Variants in NTNG1 observed in about 807,000 individuals in gnomAD.
NTNG1 encodes the protein netrin-G1.
NTNG1 carries 16 observed loss-of-function variants against 54.0 expected under a neutral mutation model. That is an observed-to-expected ratio of 0.30 (90% CI 0.20 to 0.45). NTNG1 has a LOEUF of 0.45. NTNG1 is among the 20% of genes least tolerant of loss of function. The probability of loss-of-function intolerance (pLI) is 1.00; values close to 1 mark genes in which losing one functional copy is unlikely to be tolerated. For synonymous variants in NTNG1, 255 were observed against 263.1 expected (o/e 0.97, Z 0.30); for missense variants, 530 against 678.7 (o/e 0.78, Z 2.43).
intron 3 of NTNG1, among the ~76,000 whole-genome samples, chr1:107,341,336 CTTAA>C (rs1021515210): frequency 2.0e-5 from 3 of 151,934 alleles, no homozygotes; most frequent in African/African-American, 4.8e-5. Flanking sequence ...ACTTATCTGT[CTTAA>C]TTGTTTCCTT....
At chr1:107,204,711 A>C (rs1189126718) in intron 2 of NTNG1, among the ~76,000 whole-genome samples, 1 of 152,168 alleles carries the variant, frequency 6.6e-6, no homozygotes, top group East Asian at 1.9e-4. Flanking sequence ...AAGCCATTAA[A>C]GTTTTAGGGT....
At chr1:107,298,102 C>T (rs1251941913) in intron 2 of NTNG1, among the ~76,000 whole-genome samples, 1 of 152,034 alleles carries the variant, frequency 6.6e-6, no homozygotes, top group African/African-American at 2.4e-5. Context: ...AAGATAAAAC[C>T]TATAGACTCA....
rs112441534 is a variant in NTNG1, at chr1:107,471,700, G to A, written c.1391-8911G>A. Reference sequence around the variant, plus strand: ...GAATACAAATATTTGAGAATTGCATGTTTTGACCCCATGCTTGCTCAAGTT... The same window carrying A: ...GAATACAAATATTTGAGAATTGCATATTTTGACCCCATGCTTGCTCAAGTT... On this transcript the variant is annotated intron_variant, in intron 7 of 7. Transcript: ENST00000370068. Among the ~76,000 whole-genome samples the A allele has an allele frequency of 3.0e-3, 453 of 152,334 alleles. 1 individual carries two copies. The highest frequency in any genetic ancestry group is 0.02 in the Middle Eastern group (6 of 294).
intron 3 of NTNG1, among the ~76,000 whole-genome samples, chr1:107,365,517 G>C (rs953764435): frequency 6.6e-6 from 1 of 152,008 alleles, no homozygotes; most frequent in African/African-American, 2.4e-5. Flanking sequence ...TTGCATATAG[G>C]TAAGCCAATA....
intron 2 of NTNG1, among the ~76,000 whole-genome samples, chr1:107,287,099 T>C (rs146824341): frequency 6.6e-6 from 1 of 152,262 alleles, no homozygotes; most frequent in Non-Finnish European, 1.5e-5. Flanking sequence ...TACCTATTGA[T>C]ATAAAGGAAT....
intron 2 of NTNG1, among the ~76,000 whole-genome samples, chr1:107,214,678 T>C (rs1448947606): frequency 6.6e-6 from 1 of 152,180 alleles, no homozygotes; most frequent in Non-Finnish European, 1.5e-5. Context: ...AAATGGTAGA[T>C]CTGTTTTTAG....
At chr1:107,213,482 G>A (rs1056451191) in intron 2 of NTNG1, among the ~76,000 whole-genome samples, 1 of 152,088 alleles carries the variant, frequency 6.6e-6, no homozygotes, top group African/African-American at 2.4e-5. Context: ...GTTGGGAAAT[G>A]CATTTCCCAA....
intron 3 of NTNG1, among the ~76,000 whole-genome samples, chr1:107,378,159 T>A (rs914699672): frequency 2.0e-5 from 3 of 152,190 alleles, no homozygotes; most frequent in African/African-American, 7.2e-5. Flanking sequence ...TCAGAGAAAT[T>A]AGACAATAGG....
chr1:107,263,067 G>T (rs757017824), intron 2 of NTNG1, among the ~76,000 whole-genome samples: 2 of 152,284 alleles, frequency 1.3e-5, no homozygotes, highest in Non-Finnish European at 2.9e-5. Flanking sequence ...TGATAAAAGA[G>T]GGGGGAATGC....
chr1:107,409,629 G>T (rs2101157987), intron 5 of NTNG1: 1 of 152,084 alleles, frequency 6.6e-6, no homozygotes, highest in South Asian at 2.1e-4. Context: ...CGAGAACCTA[G>T]GAAAATTTAC....
At chr1:107,333,284 A>G (rs1557907850) in intron 3 of NTNG1, among the ~76,000 whole-genome samples, 1 of 152,068 alleles carries the variant, frequency 6.6e-6, no homozygotes, top group Non-Finnish European at 1.5e-5. Context: ...TCAGCTCAGA[A>G]TAGGTCACAG....
At chr1:107,232,921 T>C (rs1661168417) in intron 2 of NTNG1, among the ~76,000 whole-genome samples, 2 of 152,228 alleles carry the variant, frequency 1.3e-5, no homozygotes, top group African/African-American at 4.8e-5. Context: ...TATTGGACTT[T>C]ATTTTATTTA....
chr1:107,415,692 C>CA (rs1168683659), intron 5 of NTNG1, among the ~76,000 whole-genome samples: 1 of 152,030 alleles, frequency 6.6e-6, no homozygotes, highest in African/African-American at 2.4e-5. Context: ...ATACATTCCA[C>CA]AACAGTTCAT....
intron 7 of NTNG1, among the ~76,000 whole-genome samples, chr1:107,450,580 C>T (rs867860828): frequency 2.0e-5 from 3 of 151,178 alleles, no homozygotes; most frequent in South Asian, 2.1e-4. Context: ...GGCTCCTTCC[C>T]GGAAAAAAAA....
intron 2 of NTNG1, among the ~76,000 whole-genome samples, chr1:107,246,813 G>A (rs951689883): frequency 7.2e-5 from 11 of 152,064 alleles, no homozygotes; most frequent in Non-Finnish European, 1.3e-4. Context: ...TATAACAGAG[G>A]TTAAATTTAT....
chr1:107,365,691 A>G (rs1175952430), intron 3 of NTNG1, among the ~76,000 whole-genome samples: 1 of 152,236 alleles, frequency 6.6e-6, no homozygotes, highest in Non-Finnish European at 1.5e-5. Context: ...GGCATGAGAT[A>G]TGATTTGTAA....
intron 2 of NTNG1, among the ~76,000 whole-genome samples, chr1:107,197,373 G>T (rs1315102727): frequency 6.6e-6 from 1 of 151,972 alleles, no homozygotes; most frequent in Non-Finnish European, 1.5e-5. Flanking sequence ...AATGGCAAAC[G>T]TCAATACTTT....
rs114680110 is a variant in NTNG1 at position 107,310,633 on chromosome 1, C to T, written c.247-13649C>T. On this transcript the variant is annotated intron_variant, in intron 2 of 7. Transcript: ENST00000370068. The stretch of plus-strand genomic sequence containing the variant: ...TGGCATGTTATATATCAGGTATGAA[C>T]TTGGACAAGCACAATTTTGAAAATT... 8.2e-3 allele frequency among the ~76,000 whole-genome samples: 1,240 copies of T among 152,040 alleles called. 21 individuals carry two copies. The highest frequency in any genetic ancestry group is 0.029 in the African/African-American group (1,193 of 41,458).
At chr1:107,394,552 C>G (rs1672562163) in intron 3 of NTNG1, among the ~76,000 whole-genome samples, 1 of 152,088 alleles carries the variant, frequency 6.6e-6, no homozygotes, top group African/African-American at 2.4e-5. Context: ...TGTGTCTCAC[C>G]CCCCTTCGGG....
Sources: allele counts gnomAD v4.1 joint callset (sites outside exome capture counted in the v4.1 genomes callset), GRCh38; gene constraint gnomAD v4.1.1; transcripts MANE v1.5; gene names NCBI Gene and HGNC (gene_info 2026-07-23, HGNC 2026-07-21).